Variants in MBTPS1 observed in about 807,000 individuals in gnomAD.
MBTPS1 encodes the protein membrane bound transcription factor peptidase, site 1, also known as membrane-bound transcription factor site-1 protease.
A neutral mutation model predicts 127.8 loss-of-function variants in MBTPS1; 94 were observed. That is an observed-to-expected ratio of 0.74 (90% CI 0.62 to 0.87). The LOEUF is 0.87. Among genes scored for constraint, MBTPS1 ranks in the 40% least tolerant of loss-of-function variants. The pLI is 0.00. For missense variants in MBTPS1, 1,636 were observed against 1,353.2 expected, an observed-to-expected ratio of 1.21 and a Z score of -3.28; for synonymous variants, 632 against 509.4, an observed-to-expected ratio of 1.24 and a Z score of -3.24.
At chr16:84,090,614 A>G (rs1156322581) in intron 8 of MBTPS1, among the ~76,000 whole-genome samples, 1 of 152,240 alleles carries the variant, frequency 6.6e-6, no homozygotes, top group Non-Finnish European at 1.5e-5. Flanking sequence ...AGGCCTCTAA[A>G]TTACTATTTG....
At chr16:84,103,449 G>A (rs1477758772) in intron 1 of MBTPS1, among the ~76,000 whole-genome samples, 1 of 151,908 alleles carries the variant, frequency 6.6e-6, no homozygotes, top group African/African-American at 2.4e-5. Context: ...ATATAGAGAA[G>A]CAGTCTCGGC....
In MBTPS1 at chr16:84,095,711, G is replaced by C; in HGVS notation, c.516C>G (p.Gly172=). 4 of 1,614,244 alleles carry C rather than the reference G, an allele frequency of 2.5e-6. No homozygotes were observed. Among genetic ancestry groups the C allele is most frequent in the African/African-American group, 1.3e-5 (1 of 75,062 alleles). The change falls in exon 4 of 23, where the codon GGC becomes GGG. Residue 172 remains glycine, a synonymous_variant. Transcript: ENST00000343411. ...LRRASLSLGS[G]FWHATGRHSS... is the part of the protein sequence containing the mutation. Reference sequence around the variant, plus strand: ...AATGCCTTCCCGTAGCATGCCAGAAGCCAGAGCCCAGGGAGAGGCTGGCTC... The same window carrying C: ...AATGCCTTCCCGTAGCATGCCAGAACCCAGAGCCCAGGGAGAGGCTGGCTC...
chr16:84,098,348 C>A (rs530547852), intron 3 of MBTPS1, among the ~76,000 whole-genome samples: 1 of 152,194 alleles, frequency 6.6e-6, no homozygotes, highest in East Asian at 1.9e-4. Context: ...CAGTGACTCA[C>A]GCCTGTAATC....
At chr16:84,098,535 G>GGGA (rs35070712) in intron 3 of MBTPS1, among the ~76,000 whole-genome samples, 43,466 of 151,928 alleles carry the variant, frequency 0.29, 6,320 homozygotes, top group African/African-American at 0.35. Flanking sequence ...ACTTGAACCT[G>GGGA]GGTGGAGGTT....
In MBTPS1 at chr16:84,085,172, A is replaced by G. The variant is rs201531297; in HGVS notation, c.1135-38T>C. On this transcript the variant is annotated intron_variant, in intron 9 of 22. Coordinates refer to ENST00000343411, the MANE Select transcript of MBTPS1 (RefSeq NM_003791.4). ...GCAGCTTGGTTGCTACATCTCGCACATTGGCATACAGCCGCATGCAATCAT... is the reference window on the plus strand; with the variant it reads ...GCAGCTTGGTTGCTACATCTCGCACGTTGGCATACAGCCGCATGCAATCAT... The G allele has an allele frequency of 4.4e-5, 71 of 1,604,896 alleles. No homozygotes were observed. The East Asian group carries it at 1.5e-3, about 33-fold the overall frequency.
At chr16:84,085,570 C>G (rs796471949) in intron 9 of MBTPS1, among the ~76,000 whole-genome samples, 11 of 90,464 alleles carry the variant, frequency 1.2e-4, no homozygotes, top group African/African-American at 3.9e-4. Flanking sequence ...GCCCCGCACC[C>G]GCCCCCCCCC....
intron 9 of MBTPS1, among the ~76,000 whole-genome samples, chr16:84,085,822 G>A (rs2086014191): frequency 6.6e-6 from 1 of 151,840 alleles, no homozygotes; most frequent in Admixed American, 6.6e-5. Flanking sequence ...GTTAAAATTA[G>A]AAATATGTTA....
intron 3 of MBTPS1, among the ~76,000 whole-genome samples, chr16:84,097,047 G>C (rs2086187486): frequency 6.6e-6 from 1 of 152,200 alleles, no homozygotes; most frequent in African/African-American, 2.4e-5. Flanking sequence ...CTGAGGATTA[G>C]CCTGGAGAGA....
At position 84,116,858 on chromosome 16, in the gene MBTPS1, G is replaced by T. The variant is rs899130299; in HGVS notation, c.-448C>A. On this transcript the variant is annotated 5_prime_UTR_variant, in exon 1 of 23. In the 5' UTR this introduces an upstream ATG that the reference lacks. Coordinates refer to ENST00000343411, the MANE Select transcript of MBTPS1 (RefSeq NM_003791.4). Reference sequence around the variant, plus strand: ...CTCGCGAGACTGGGCGACCGGGCCAGCGAGGCCCACAGCTGGGAGCCTCAG... The same window carrying T: ...CTCGCGAGACTGGGCGACCGGGCCATCGAGGCCCACAGCTGGGAGCCTCAG... 6.6e-6 allele frequency: 1 copy of T among 152,294 alleles called. No homozygotes were observed. Among genetic ancestry groups the T allele is most frequent in the African/African-American group, 2.4e-5 (1 of 41,460 alleles). The allele number at this position is 152,294 out of a possible 1,614,324, so 9.4% of individuals were successfully genotyped here.
intron 1 of MBTPS1, among the ~76,000 whole-genome samples, chr16:84,115,345 C>T (rs1472965769): frequency 6.6e-6 from 1 of 152,204 alleles, no homozygotes; most frequent in Middle Eastern, 3.2e-3. Context: ...AAAGGACCAA[C>T]TCTTGATTAT....
chr16:84,067,747 G>A lies in MBTPS1; in HGVS notation c.2148C>T (p.Asn716=), dbSNP rs772994220. 5.5e-5 allele frequency: 88 copies of A among 1,613,808 alleles called. No individual in the cohort carries two copies. Among genetic ancestry groups the A allele is most frequent in the Non-Finnish European group, 6.3e-5 (74 of 1,179,786 alleles). ...EIAKLRRDVD[N]GLSLVIFSDW... ...CACTGAAGATGACGAGCGAGAGGCC[G>A]TTGTCCACGTCCCTCCGGAGCTTGG... The change falls in exon 16 of 23, where the codon AAC becomes AAT. Residue 716 remains asparagine (N), a synonymous_variant. Transcript: ENST00000343411.
At chr16:84,115,289 C>G (rs1018151918) in intron 1 of MBTPS1, among the ~76,000 whole-genome samples, 5 of 152,174 alleles carry the variant, frequency 3.3e-5, no homozygotes, top group African/African-American at 1.2e-4. Flanking sequence ...CTAGGTGCTT[C>G]AAAGGTTCCG....
chr16:84,054,661 C>A lies in MBTPS1; in HGVS notation c.2963-16G>T, dbSNP rs777189155. 1 of 1,562,982 alleles carries A rather than the reference C, an allele frequency of 6.4e-7. No individual in the cohort carries two copies. The highest frequency in any genetic ancestry group is 8.7e-7 in the Non-Finnish European group (1 of 1,150,484). On this transcript the variant is annotated splice_polypyrimidine_tract_variant and intron_variant, in intron 22 of 22. Coordinates refer to ENST00000343411, the MANE Select transcript of MBTPS1 (RefSeq NM_003791.4). ...GGCATGATCCCTGTAAGAGGACAGCCGGTTGAACAGGCAGGAACGCCACAG... is the reference window on the plus strand; with the variant it reads ...GGCATGATCCCTGTAAGAGGACAGCAGGTTGAACAGGCAGGAACGCCACAG...
intron 11 of MBTPS1, 68 bp from the exon 12 acceptor site, chr16:84,074,809 C>T: frequency 7.0e-7 from 1 of 1,431,110 alleles, no homozygotes; most frequent in East Asian, 2.3e-5. Flanking sequence ...CACAACTGTA[C>T]AAGACAGAGT....
chr16:84,082,061 G>C, intron 10 of MBTPS1, 153 bp from the exon 11 acceptor site: 1 of 462,264 alleles, frequency 2.2e-6, no homozygotes, highest in Non-Finnish European at 3.6e-6. Flanking sequence ...ATGAGAGAAT[G>C]AGTGCACACT....
At chr16:84,085,669 T>C (rs1210811581) in intron 9 of MBTPS1, among the ~76,000 whole-genome samples, 2 of 150,610 alleles carry the variant, frequency 1.3e-5, no homozygotes, top group Non-Finnish European at 2.9e-5. Context: ...TTTAAAAATA[T>C]ATTTTATAAC....
chr16:84,065,774 AAG>A lies in MBTPS1; in HGVS notation c.2354-9_2354-8del, dbSNP rs779047533. ...CACCCTGACGCATAATACACTAGGA[AAG>A]AGTGTTCAAAGTCAAGGGAACACAG... On this transcript the variant is annotated splice_region_variant and splice_polypyrimidine_tract_variant and intron_variant, in intron 17 of 22. Coordinates refer to ENST00000343411, the MANE Select transcript of MBTPS1 (RefSeq NM_003791.4). 1.3e-6 allele frequency: 2 copies of A among 1,561,758 alleles called. No homozygotes were observed. The highest frequency in any genetic ancestry group is 2.0e-5 in the Admixed American group (1 of 48,966).
chr16:84,087,303 C>G lies in MBTPS1; in HGVS notation c.1134+55G>C, dbSNP rs1304238961. ...CAAGGCTCGTCAACAACCGGTGCCA[C>G]TAGCCACAGTAGTTTGTCCAGCTAA... On this transcript the variant is annotated intron_variant, in intron 9 of 22. Transcript: ENST00000343411. 4 of 1,395,926 alleles carry G rather than the reference C, an allele frequency of 2.9e-6. No homozygotes were observed. In the African/African-American group the frequency reaches 4.3e-5, roughly 15 times the overall value. 86.5% of individuals were successfully genotyped at this position (1,395,926 alleles called of 1,614,324 possible).
At chr16:84,054,802 A>T (rs550909706) in intron 22 of MBTPS1, among the ~76,000 whole-genome samples, 157 bp from the exon 23 acceptor site, 1 of 152,300 alleles carries the variant, frequency 6.6e-6, no homozygotes, top group South Asian at 2.1e-4. Context: ...AGCTAAAGTA[A>T]CCCAGGCTAT....
Sources: gnomAD v4.1 joint callset for allele counts (sites outside exome capture counted in the v4.1 genomes callset) on GRCh38, gnomAD v4.1.1 for gene constraint, MANE v1.5 for transcripts, NCBI Gene and HGNC (gene_info 2026-07-23, HGNC 2026-07-21) for gene names.